The following DOCK4 variants were observed in gnomAD, a reference collection of about 807,000 sequenced individuals.
The protein encoded by DOCK4 is dedicator of cytokinesis protein 4.
Under a neutral mutation model 268.1 loss-of-function variants are expected in DOCK4, and 97 were observed. The ratio of observed to expected loss-of-function variants is 0.36; its 90% CI spans 0.31 to 0.43. The LOEUF is 0.43. Ranked by LOEUF, DOCK4 falls within the 20% of genes least tolerant of loss-of-function variation. The probability of loss-of-function intolerance (pLI) is 1.00; values close to 1 mark genes in which losing one functional copy is unlikely to be tolerated. For synonymous variants in DOCK4, 954 were observed against 887.2 expected, an observed-to-expected ratio of 1.08 and a Z score of -1.34; for missense variants, 2,145 against 2,455.7, an observed-to-expected ratio of 0.87 and a Z score of 2.67.
At chr7:112,156,540 G>A (rs1396943157) in intron 1 of DOCK4, among the ~76,000 whole-genome samples, 1 of 152,134 alleles carries the variant, frequency 6.6e-6, no homozygotes, top group Non-Finnish European at 1.5e-5. Context: ...CTATAATAGA[G>A]ACAAACCCAC....
At chr7:111,901,944 G>T in intron 13 of DOCK4, 143 bp from the exon 14 acceptor site, 2 of 628,270 alleles carry the variant, frequency 3.2e-6, no homozygotes, top group Non-Finnish European at 5.2e-6. Context: ...TTTTATAAAA[G>T]TGTCCTCACC....
intron 16 of DOCK4, among the ~76,000 whole-genome samples, chr7:111,894,200 C>A (rs889620216): frequency 7.1e-6 from 1 of 141,136 alleles, no homozygotes; most frequent in South Asian, 2.2e-4. Flanking sequence ...CCAGCCTGGG[C>A]GACAGAGCAA....
intron 22 of DOCK4, 98 bp downstream of exon 22, chr7:111,867,886 A>T: frequency 8.4e-7 from 1 of 1,189,494 alleles, no homozygotes; most frequent in Non-Finnish European, 1.1e-6. Flanking sequence ...GGAGCAATTG[A>T]CTTCTGATGG....
chr7:111,944,669 C>A, intron 10 of DOCK4, 142 bp downstream of exon 10: 1 of 809,266 alleles, frequency 1.2e-6, no homozygotes, highest in South Asian at 1.7e-5. Flanking sequence ...GGACAATTCA[C>A]AACTTCTGTG....
At chr7:111,981,626 A>G (rs1458834801) in intron 7 of DOCK4, among the ~76,000 whole-genome samples, 2 of 152,240 alleles carry the variant, frequency 1.3e-5, no homozygotes, top group African/African-American at 2.4e-5. Context: ...TTTTTGGGCT[A>G]TAGTCTTTGT....
At chr7:112,030,776 C>G (rs1410653407) in intron 1 of DOCK4, among the ~76,000 whole-genome samples, 2 of 152,122 alleles carry the variant, frequency 1.3e-5, no homozygotes, top group Non-Finnish European at 2.9e-5. Flanking sequence ...AACTCGTGGA[C>G]CCAACAGGTG....
intron 39 of DOCK4, among the ~76,000 whole-genome samples, chr7:111,763,021 G>A (rs1204383937): frequency 6.6e-6 from 1 of 151,742 alleles, no homozygotes; most frequent in Admixed American, 6.6e-5. Context: ...TCTGGCCTTG[G>A]CCTCCCAAAG....
chr7:112,066,690 CATATATAT>C (rs751631282), intron 1 of DOCK4, among the ~76,000 whole-genome samples: 530 of 20,702 alleles, frequency 0.026, 1 homozygote, highest in South Asian at 0.053. Flanking sequence ...TATACATATA[CATATATAT>C]ATATATATAT....
At chr7:112,026,234 T>C (rs896372423) in intron 1 of DOCK4, among the ~76,000 whole-genome samples, 6 of 152,238 alleles carry the variant, frequency 3.9e-5, no homozygotes, top group African/African-American at 1.2e-4. Context: ...TCAGCATTAC[T>C]GCCTGAGCTC....
chr7:111,936,719 T>C (rs1794775912), intron 11 of DOCK4, among the ~76,000 whole-genome samples: 1 of 152,192 alleles, frequency 6.6e-6, no homozygotes, highest in Non-Finnish European at 1.5e-5. Context: ...ACATCAAGAT[T>C]CTGTACACTA....
At chr7:112,051,718 T>C (rs1201548617) in intron 1 of DOCK4, among the ~76,000 whole-genome samples, 1 of 148,906 alleles carries the variant, frequency 6.7e-6, no homozygotes, top group Non-Finnish European at 1.5e-5. Context: ...TTGGAGCTGC[T>C]CAAATGATAT....
At chr7:111,790,738 TA>T in intron 30 of DOCK4, 133 bp from the exon 31 acceptor site, 2 of 1,109,214 alleles carry the variant, frequency 1.8e-6, no homozygotes, top group Non-Finnish European at 2.5e-6. Flanking sequence ...AGCAAGAAAA[TA>T]TAATAACCCA....
chr7:112,117,397 A>T (rs1355683261), intron 1 of DOCK4, among the ~76,000 whole-genome samples: 1 of 151,802 alleles, frequency 6.6e-6, no homozygotes, highest in African/African-American at 2.4e-5. Context: ...ACGGAGTTTC[A>T]CTCACTCTTG....
At chr7:112,023,992 T>C (rs1379633811) in intron 1 of DOCK4, among the ~76,000 whole-genome samples, 1 of 152,246 alleles carries the variant, frequency 6.6e-6, no homozygotes, top group Non-Finnish European at 1.5e-5. Flanking sequence ...GTTCAATGCG[T>C]GTCCTTCCTA....
intron 23 of DOCK4, among the ~76,000 whole-genome samples, chr7:111,855,940 C>T (rs1193836624): frequency 6.6e-6 from 1 of 152,120 alleles, no homozygotes; most frequent in Non-Finnish European, 1.5e-5. Context: ...ACAGGCTACT[C>T]AAATAGAGCC....
intron 1 of DOCK4, among the ~76,000 whole-genome samples, chr7:112,181,132 T>C (rs1057435130): frequency 6.6e-6 from 1 of 152,204 alleles, no homozygotes; most frequent in African/African-American, 2.4e-5. Flanking sequence ...ATATCCAATG[T>C]TGGCAAGAAA....
chr7:112,201,425 G>A (rs551551002), intron 1 of DOCK4, among the ~76,000 whole-genome samples: 11 of 152,198 alleles, frequency 7.2e-5, no homozygotes, highest in African/African-American at 2.6e-4. Flanking sequence ...TAAGGTTCAT[G>A]GATTTTCTGC....
chr7:111,750,828 T>TTAA (rs766093320), intron 42 of DOCK4, among the ~76,000 whole-genome samples: 90 of 152,286 alleles, frequency 5.9e-4, no homozygotes, highest in Admixed American at 4.4e-3. Flanking sequence ...ATTTTTAAAT[T>TTAA]TAATAACTGC....
At chr7:111,848,870 A>T (rs1279683888) in intron 23 of DOCK4, among the ~76,000 whole-genome samples, 1 of 152,200 alleles carries the variant, frequency 6.6e-6, no homozygotes, top group Non-Finnish European at 1.5e-5. Context: ...TTAGATGGAA[A>T]GGTAAAGTGC....
Sources: allele counts gnomAD v4.1 joint callset (sites outside exome capture counted in the v4.1 genomes callset), GRCh38; gene constraint gnomAD v4.1.1; transcripts MANE v1.5; gene names NCBI Gene and HGNC (gene_info 2026-07-23, HGNC 2026-07-21).